Variants in AKT3 observed in about 807,000 individuals in gnomAD.
The protein encoded by AKT3 is RAC-gamma serine/threonine-protein kinase.
A neutral mutation model predicts 65.3 loss-of-function variants in AKT3; 15 were observed. The ratio of observed to expected loss-of-function variants is 0.23; its 90% CI spans 0.15 to 0.35. The LOEUF (loss-of-function observed/expected upper bound fraction) is 0.35, where lower values mean the gene tolerates loss of function less well. Ranked by LOEUF, AKT3 falls within the 10% of genes least tolerant of loss-of-function variation. AKT3 has a pLI of 1.00. For synonymous variants in AKT3, 206 were observed against 183.8 expected, an observed-to-expected ratio of 1.12 and a Z score of -0.98; for missense variants, 243 against 576.5, an observed-to-expected ratio of 0.42 and a Z score of 5.92.
intron 13 of AKT3, among the ~76,000 whole-genome samples, chr1:243,510,586 G>A (rs1669953007): frequency 6.6e-6 from 1 of 152,208 alleles, no homozygotes; most frequent in South Asian, 2.1e-4. Context: ...GGGAAGAAGA[G>A]CATTCCAGGC....
intron 10 of AKT3, among the ~76,000 whole-genome samples, chr1:243,559,037 A>G (rs1673591399): frequency 6.6e-6 from 1 of 152,130 alleles, no homozygotes; most frequent in African/African-American, 2.4e-5. Context: ...ATTCAATAGG[A>G]GCCAAATCAA....
rs536597948 is a variant in AKT3 at position 243,623,332 on chromosome 1, T to TA, written c.562-8172dup. Among the ~76,000 whole-genome samples the TA allele has an allele frequency of 4.8e-3, 725 of 152,188 alleles. 5 individuals are homozygous for TA. Among genetic ancestry groups the TA allele is most frequent in the South Asian group, 9.3e-3 (45 of 4,824 alleles). On this transcript the variant is annotated intron_variant, in intron 6 of 13. Transcript: ENST00000673466. ...GACAACACTTCACTACTGGGAGAAT[T>TA]AAAATTAACCATCACAGATGCACTT...
chr1:243,802,919 T>C (rs1224762567), intron 2 of AKT3, among the ~76,000 whole-genome samples: 1 of 152,102 alleles, frequency 6.6e-6, no homozygotes, highest in Non-Finnish European at 1.5e-5. Context: ...GAAGCCAAGA[T>C]GGGAGGATCG....
intron 2 of AKT3, among the ~76,000 whole-genome samples, chr1:243,835,120 T>A (rs1161803560): frequency 6.6e-6 from 1 of 152,136 alleles, no homozygotes; most frequent in Non-Finnish European, 1.5e-5. Flanking sequence ...ACTACTAACA[T>A]TTTGAACTGG....
At chr1:243,774,560 T>C (rs993045375) in intron 2 of AKT3, among the ~76,000 whole-genome samples, 1 of 152,164 alleles carries the variant, frequency 6.6e-6, no homozygotes, top group Admixed American at 6.5e-5. Flanking sequence ...AGTAAAATAG[T>C]ATTTATTAAG....
chr1:243,638,924 G>A (rs564328755), intron 5 of AKT3, among the ~76,000 whole-genome samples: 9 of 151,876 alleles, frequency 5.9e-5, no homozygotes, highest in African/African-American at 2.2e-4. Flanking sequence ...AAAGAGTAGA[G>A]AAAAAATCAG....
Position 243,645,874 on chromosome 1 carries a change from A to G in AKT3, c.429+19T>C, listed in dbSNP as rs767777977. 1.9e-6 allele frequency: 3 copies of G among 1,592,002 alleles called. No individual in the cohort carries two copies. Among genetic ancestry groups the G allele is most frequent in the Non-Finnish European group, 2.6e-6 (3 of 1,169,028 alleles). On this transcript the variant is annotated intron_variant, in intron 5 of 13. Transcript: ENST00000673466. ...CAGACAAATGAATGCTGTGCTGGGA[A>G]TAAGTTATTATTTTCTACCTTTCTT...
chr1:243,798,393 ATTTTTTTTTTT>A (rs759264137), intron 2 of AKT3, among the ~76,000 whole-genome samples: 1,185 of 83,374 alleles, frequency 0.014, 33 homozygotes, highest in African/African-American at 0.053. Context: ...CTAATTTTTA[ATTTTTTTTTTT>A]TTTTTTTTTT....
intron 2 of AKT3, among the ~76,000 whole-genome samples, chr1:243,711,435 TA>T (rs942076296): frequency 6.6e-6 from 1 of 152,212 alleles, no homozygotes; most frequent in Non-Finnish European, 1.5e-5. Context: ...ATATTTTCTT[TA>T]AATAATTTAT....
intron 2 of AKT3, among the ~76,000 whole-genome samples, chr1:243,785,756 A>G (rs989948762): frequency 2.0e-5 from 3 of 152,208 alleles, no homozygotes; most frequent in African/African-American, 7.2e-5. Flanking sequence ...CACAGCCATC[A>G]AATTCCTGGA....
intron 2 of AKT3, among the ~76,000 whole-genome samples, chr1:243,831,803 C>T (rs952329493): frequency 6.6e-6 from 1 of 151,946 alleles, no homozygotes; most frequent in Non-Finnish European, 1.5e-5. Context: ...AACTTCTGAG[C>T]CCCTCCCCCC....
At chr1:243,700,606 C>T (rs1685387438) in intron 2 of AKT3, among the ~76,000 whole-genome samples, 1 of 151,108 alleles carries the variant, frequency 6.6e-6, no homozygotes, top group Non-Finnish European at 1.5e-5. Flanking sequence ...CAGGTTCAAG[C>T]GATTCTCCTG....
At chr1:243,548,920 G>GA (rs1382060284) in intron 11 of AKT3, among the ~76,000 whole-genome samples, 2 of 152,110 alleles carry the variant, frequency 1.3e-5, no homozygotes, top group Non-Finnish European at 2.9e-5. Flanking sequence ...TAGCTGCGTA[G>GA]AAAAAATGAA....
At chr1:243,536,199 C>A (rs1432251597) in intron 12 of AKT3, among the ~76,000 whole-genome samples, 1 of 152,052 alleles carries the variant, frequency 6.6e-6, no homozygotes, top group Non-Finnish European at 1.5e-5. Flanking sequence ...TTGATGATTT[C>A]TTTTGCTGTG....
chr1:243,551,560 C>G (rs1202051079), intron 11 of AKT3, among the ~76,000 whole-genome samples: 1 of 151,312 alleles, frequency 6.6e-6, no homozygotes, highest in Non-Finnish European at 1.5e-5. Context: ...CTCATTAACC[C>G]ACTCATATAT....
chr1:243,526,327 A>G (rs528047285), intron 12 of AKT3, among the ~76,000 whole-genome samples: 4 of 152,132 alleles, frequency 2.6e-5, no homozygotes, highest in African/African-American at 9.7e-5. Context: ...GACTTTCATC[A>G]TGGAGCTAAA....
intron 2 of AKT3, among the ~76,000 whole-genome samples, chr1:243,782,132 T>C (rs752368016): frequency 6.6e-6 from 1 of 152,118 alleles, no homozygotes; most frequent in African/African-American, 2.4e-5. Context: ...AACTAGTCTC[T>C]CTTAATGGCC....
chr1:243,525,677 C>T (rs528985101), intron 12 of AKT3, among the ~76,000 whole-genome samples: 1 of 138,722 alleles, frequency 7.2e-6, no homozygotes, highest in South Asian at 2.4e-4. Context: ...ACTTGATATA[C>T]CAGCAGAGAT....
chr1:243,523,260 A>AACACACACACACACACACACACAC (rs547403507), intron 12 of AKT3, among the ~76,000 whole-genome samples: 6 of 126,512 alleles, frequency 4.7e-5, no homozygotes, highest in Non-Finnish European at 8.3e-5. Context: ...AAAAAGGACG[A>AACACACACACACACACACACACAC]ACACACACAC....
Sources: allele counts gnomAD v4.1 joint callset (sites outside exome capture counted in the v4.1 genomes callset), GRCh38; gene constraint gnomAD v4.1.1; transcripts MANE v1.5; gene names NCBI Gene and HGNC (gene_info 2026-07-23, HGNC 2026-07-21).